Variants in GPC5 observed in about 807,000 individuals in gnomAD.
GPC5 encodes glypican 5, also known as glypican-5.
Under a neutral mutation model 53.9 loss-of-function variants are expected in GPC5, and 47 were observed. The observed-to-expected ratio is 0.87, with a 90% CI of 0.69 to 1.11. The LOEUF (loss-of-function observed/expected upper bound fraction) is 1.11. Among genes scored for constraint, GPC5 ranks in the 50% most tolerant of loss-of-function variants. The pLI is 0.00. For synonymous variants in GPC5, 286 were observed against 263.3 expected, an observed-to-expected ratio of 1.09 and a Z score of -0.84; for missense variants, 748 against 713.1, an observed-to-expected ratio of 1.05 and a Z score of -0.56.
At chr13:91,636,545 G>A (rs2034290716) in intron 2 of GPC5, among the ~76,000 whole-genome samples, 1 of 152,050 alleles carries the variant, frequency 6.6e-6, no homozygotes, top group East Asian at 1.9e-4. Context: ...GCATTTTATA[G>A]CCATGGATAT....
At chr13:92,204,667 T>C (rs557899496) in intron 7 of GPC5, among the ~76,000 whole-genome samples, 1 of 152,334 alleles carries the variant, frequency 6.6e-6, no homozygotes, top group South Asian at 2.1e-4. Flanking sequence ...ATGCTCATAG[T>C]TGTGATTTAT....
rs1406990034 is a variant in GPC5 at position 92,122,274 on chromosome 13, GC to G, written c.1402-22555del. ...GTTTTTATGGGTTTTAAAACACAGC[GC>G]TTTTTTTTTTTTAACTTTTTTTTTA... On this transcript the variant is annotated intron_variant, in intron 6 of 7. Coordinates refer to ENST00000377067, the MANE Select transcript of GPC5 (RefSeq NM_004466.6). 3.5e-5 allele frequency among the ~76,000 whole-genome samples: 4 copies of G among 115,566 alleles called. No individual in the cohort carries two copies. In the East Asian group the frequency reaches 6.7e-4, roughly 19 times the overall value. 75.8% of individuals were successfully genotyped at this position (115,566 alleles called of 152,430 possible). A position where few individuals can be genotyped will look rare whatever the true frequency, so the allele number is the denominator to read the frequency against.
intron 6 of GPC5, among the ~76,000 whole-genome samples, chr13:92,014,580 T>C (rs1456624054): frequency 2.6e-5 from 4 of 152,176 alleles, no homozygotes; most frequent in Non-Finnish European, 5.9e-5. Context: ...TTTCTTTTTT[T>C]GGTGTTTAAT....
At chr13:92,718,713 A>T (rs1888409559) in intron 7 of GPC5, among the ~76,000 whole-genome samples, 1 of 152,016 alleles carries the variant, frequency 6.6e-6, no homozygotes, top group African/African-American at 2.4e-5. Flanking sequence ...ATCTCTACTA[A>T]AATACAAAAC....
chr13:91,571,769 G>GTATATACACACACATATACGGTGTGTGTA (rs2031799847), intron 2 of GPC5, among the ~76,000 whole-genome samples: 3 of 114,358 alleles, frequency 2.6e-5, no homozygotes, highest in South Asian at 5.2e-4. Flanking sequence ...ATGTGTATGT[G>GTATATACACACACATATACGGTGTGTGTA]TATATACACA....
chr13:91,572,183 GTGTATACACACACATATGTATATATA>G, intron 2 of GPC5, among the ~76,000 whole-genome samples: 1 of 34,394 alleles, frequency 2.9e-5, no homozygotes, highest in Non-Finnish European at 1.4e-4. Flanking sequence ...ATATATACGT[GTGTATACACACACATATGTATATATA>G]CGTGTATATA....
At chr13:92,586,572 G>A (rs2076023985) in intron 7 of GPC5, among the ~76,000 whole-genome samples, 1 of 152,212 alleles carries the variant, frequency 6.6e-6, no homozygotes, top group Admixed American at 6.5e-5. Context: ...AACAGAGTAA[G>A]TGGAATCAAC....
intron 2 of GPC5, among the ~76,000 whole-genome samples, chr13:91,501,224 C>G (rs1191378193): frequency 6.7e-6 from 1 of 149,972 alleles, no homozygotes; most frequent in Non-Finnish European, 1.5e-5. Flanking sequence ...CAGGAAAGCT[C>G]AGCTCTTAAG....
intron 2 of GPC5, chr13:91,486,473 C>G (rs1883614449): frequency 6.6e-6 from 1 of 152,054 alleles, no homozygotes; most frequent in Non-Finnish European, 1.5e-5. Flanking sequence ...TCTGGAGACC[C>G]TAAATAATAA....
intron 7 of GPC5, among the ~76,000 whole-genome samples, chr13:92,204,802 C>T (rs929462866): frequency 6.6e-6 from 1 of 152,194 alleles, no homozygotes; most frequent in East Asian, 1.9e-4. Flanking sequence ...TGACAAAACA[C>T]ACAGAATGTT....
At position 91,732,654 on chromosome 13, in the gene GPC5, G is replaced by T. The variant is rs569802405; in HGVS notation, c.1154+3989G>T. Among the ~76,000 whole-genome samples the T allele has an allele frequency of 3.1e-4, 47 of 152,054 alleles. 1 individual carries two copies. Among genetic ancestry groups the T allele is most frequent in the African/African-American group, 1.1e-3 (44 of 41,478 alleles). ...TTTCTTCTAGTGTTTCTATGGTTTGGGGTTTTACATTTAAGTTTTAATCTG... is the reference window on the plus strand; with the variant it reads ...TTTCTTCTAGTGTTTCTATGGTTTGTGGTTTTACATTTAAGTTTTAATCTG... On this transcript the variant is annotated intron_variant, in intron 4 of 7. Transcript: ENST00000377067.
At chr13:91,872,750 T>C (rs982742764) in intron 5 of GPC5, among the ~76,000 whole-genome samples, 1 of 152,174 alleles carries the variant, frequency 6.6e-6, no homozygotes, top group Non-Finnish European at 1.5e-5. Flanking sequence ...TTGATACATT[T>C]GCATATTTTA....
intron 2 of GPC5, among the ~76,000 whole-genome samples, chr13:91,654,822 C>T (rs566061375): frequency 6.6e-6 from 1 of 152,186 alleles, no homozygotes; most frequent in South Asian, 2.1e-4. Context: ...GGGGCTTGGC[C>T]CATTTTTGCC....
intron 7 of GPC5, among the ~76,000 whole-genome samples, chr13:92,281,753 A>C (rs9523587): frequency 0.085 from 13,005 of 152,218 alleles, 614 homozygotes; most frequent in Middle Eastern, 0.12. Context: ...CTGTACATCA[A>C]CATCAGCAAC....
chr13:92,499,111 G>A (rs977275144), intron 7 of GPC5, among the ~76,000 whole-genome samples: 15 of 152,090 alleles, frequency 9.9e-5, no homozygotes, highest in African/African-American at 3.6e-4. Flanking sequence ...AGAAAAAATA[G>A]TTTGGATGTA....
chr13:91,940,301 C>A (rs7325116), intron 6 of GPC5, among the ~76,000 whole-genome samples: 92,480 of 151,950 alleles, frequency 0.61, 28,656 homozygotes, highest in East Asian at 0.74. Flanking sequence ...AGCTACACCT[C>A]TTTTGCTGCA....
chr13:91,523,067 C>T (rs1002126102), intron 2 of GPC5, among the ~76,000 whole-genome samples: 4 of 151,802 alleles, frequency 2.6e-5, no homozygotes, highest in Admixed American at 6.6e-5. Context: ...TTTAGGATGG[C>T]GATTATAAAA....
intron 7 of GPC5, among the ~76,000 whole-genome samples, chr13:92,362,240 A>G (rs891378542): frequency 6.6e-6 from 1 of 151,720 alleles, no homozygotes; most frequent in Admixed American, 6.5e-5. Flanking sequence ...CTTTTTTATT[A>G]GACTGTAAGA....
intron 5 of GPC5, among the ~76,000 whole-genome samples, chr13:91,871,519 G>T (rs2039144343): frequency 6.6e-6 from 1 of 152,032 alleles, no homozygotes; most frequent in Admixed American, 6.6e-5. Flanking sequence ...GTTAAAAAAA[G>T]AGGAATATAT....
Sources: allele counts gnomAD v4.1 joint callset (sites outside exome capture counted in the v4.1 genomes callset), GRCh38; gene constraint gnomAD v4.1.1; transcripts MANE v1.5; gene names NCBI Gene and HGNC (gene_info 2026-07-23, HGNC 2026-07-21).